Variants in COBL observed in about 807,000 individuals in gnomAD.
The protein encoded by COBL is cordon-bleu WH2 repeat protein.
A neutral mutation model predicts 98.8 loss-of-function variants in COBL; 51 were observed. The ratio of observed to expected loss-of-function variants is 0.52; its 90% confidence interval spans 0.41 to 0.65. The LOEUF (loss-of-function observed/expected upper bound fraction) is 0.65. Among genes scored for constraint, COBL ranks in the 30% least tolerant of loss-of-function variants. COBL has a pLI of 0.00. For synonymous variants in COBL, 634 were observed against 651.7 expected (o/e 0.97, Z 0.41); for missense variants, 1,617 against 1,617.5 (o/e 1.00, Z 0.01).
chr7:51,056,396 C>A, intron 7 of COBL, among the ~76,000 whole-genome samples: 1 of 151,960 alleles, frequency 6.6e-6, no homozygotes, highest in East Asian at 1.9e-4. Context: ...GTGAGAGGTG[C>A]CTGTATCGTC....
intron 2 of COBL, among the ~76,000 whole-genome samples, chr7:51,205,400 A>C (rs1430709586): frequency 6.6e-6 from 1 of 152,182 alleles, no homozygotes; most frequent in African/African-American, 2.4e-5. Flanking sequence ...GGATGCCAAG[A>C]AGTCACAATG....
chr7:51,073,228 T>C, intron 7 of COBL: 1 of 478,408 alleles, frequency 2.1e-6, no homozygotes, highest in Non-Finnish European at 3.8e-6. Context: ...AGGAAGTAAA[T>C]TCTGGGTATA....
At chr7:51,139,072 T>C (rs1172350991) in intron 5 of COBL, among the ~76,000 whole-genome samples, 1 of 152,204 alleles carries the variant, frequency 6.6e-6, no homozygotes, top group Non-Finnish European at 1.5e-5. Flanking sequence ...ATTTCAGGTT[T>C]TAATTCATAA....
intron 1 of COBL, among the ~76,000 whole-genome samples, chr7:51,296,680 T>C (rs572951379): frequency 3.6e-4 from 55 of 152,348 alleles, no homozygotes; most frequent in South Asian, 1.2e-3. Context: ...TGCAAGGATG[T>C]ATGGGCATTT....
intron 6 of COBL, among the ~76,000 whole-genome samples, chr7:51,112,456 C>T (rs1197246329): frequency 3.3e-5 from 5 of 152,202 alleles, no homozygotes; most frequent in African/African-American, 1.2e-4. Flanking sequence ...AGCAGTGCTT[C>T]ATGATCAATG....
In COBL at chr7:51,017,154, T is replaced by G. The variant is rs927023877; in HGVS notation, c.*397A>C. On this transcript the variant is annotated 3_prime_UTR_variant, in exon 13 of 13. Coordinates refer to ENST00000265136, the MANE Select transcript of COBL (RefSeq NM_015198.5). Reference sequence around the variant, plus strand: ...ATTCAAAAGATCTTAAATCAGTAAGTAGTTTCATCCATCTGTATGTGGTAA... The same window carrying G: ...ATTCAAAAGATCTTAAATCAGTAAGGAGTTTCATCCATCTGTATGTGGTAA... 2.3e-6 allele frequency: 1 copy of G among 439,614 alleles called. No homozygotes were observed. The allele number at this position is 439,614 out of a possible 1,614,324, so 27.2% of individuals were successfully genotyped here.
Position 51,219,896 on chromosome 7 carries a change from A to G in COBL, c.90T>C (p.Thr30=). ...GCTTCTGGTCACTGTGCACATGCAG[A>G]GTGGCAGCCTTTCCAGGAGGTGGGG... ...RAPPPPGKAA[T]LHVHSDQKPP... The change falls in exon 2 of 13, where the codon ACT becomes ACC. Residue 30 remains threonine, a synonymous_variant. Coordinates refer to ENST00000265136, the MANE Select transcript of COBL (RefSeq NM_015198.5). 1 of 1,612,646 alleles carries G rather than the reference A, an allele frequency of 6.2e-7. No individual in the cohort carries two copies. The highest frequency in any genetic ancestry group is 8.5e-7 in the Non-Finnish European group (1 of 1,179,992).
At chr7:51,087,601 A>C (rs1794401461) in intron 6 of COBL, among the ~76,000 whole-genome samples, 2 of 151,684 alleles carry the variant, frequency 1.3e-5, no homozygotes. Context: ...CAGCCTCCTG[A>C]GTAGCTGGGA....
chr7:51,135,716 G>A (rs1014110070), intron 6 of COBL, among the ~76,000 whole-genome samples: 6 of 152,158 alleles, frequency 3.9e-5, no homozygotes, highest in South Asian at 2.1e-4. Context: ...TGACACATGC[G>A]GCAAGAGTTA....
chr7:51,175,903 C>T (rs1013624499), intron 5 of COBL, among the ~76,000 whole-genome samples: 1 of 152,192 alleles, frequency 6.6e-6, no homozygotes, highest in Non-Finnish European at 1.5e-5. Context: ...TTTATTCATC[C>T]CATAAATTTA....
At chr7:51,087,507 T>C (rs1389295397) in intron 6 of COBL, among the ~76,000 whole-genome samples, 1 of 152,034 alleles carries the variant, frequency 6.6e-6, no homozygotes. Context: ...TGTTGTTGCT[T>C]GTTTTTTTTG....
rs561812103 is a variant in COBL at position 51,144,847 on chromosome 7, T to C, written c.784-8516A>G. On this transcript the variant is annotated intron_variant, in intron 5 of 12. Coordinates refer to ENST00000265136, the MANE Select transcript of COBL (RefSeq NM_015198.5). ...TCACTTAGCATAATGTTTTGAAGGT[T>C]TGCTCACATTGCAGCATGCATCAGT... Among the ~76,000 whole-genome samples, 280 of 152,360 alleles carry C rather than the reference T, an allele frequency of 1.8e-3. 2 individuals carry two copies. Among genetic ancestry groups the C allele is most frequent in the Non-Finnish European group, 3.2e-3 (220 of 68,042 alleles).
At position 51,030,680 on chromosome 7, in the gene COBL, C is replaced by G. The variant is rs145200057; in HGVS notation, c.1504+132G>C. ...GTGCGCCTCACATCCAGACTTTCACCAAACTGACCTGGAATTCCTTCTGAA... is the reference window on the plus strand; with the variant it reads ...GTGCGCCTCACATCCAGACTTTCACGAAACTGACCTGGAATTCCTTCTGAA... On this transcript the variant is annotated intron_variant, in intron 9 of 12. Coordinates refer to ENST00000265136, the MANE Select transcript of COBL (RefSeq NM_015198.5). 171 of 654,350 alleles carry G rather than the reference C, an allele frequency of 2.6e-4. 1 individual carries two copies. In the East Asian group the frequency reaches 4.5e-3, roughly 17 times the overall value. 40.5% of individuals were successfully genotyped at this position (654,350 alleles called of 1,614,324 possible).
intron 1 of COBL, among the ~76,000 whole-genome samples, chr7:51,288,775 AAT>A (rs879281055): frequency 0.11 from 16,721 of 150,764 alleles, 1,353 homozygotes; most frequent in East Asian, 0.32. Flanking sequence ...ATAAATAAAT[AAT>A]AATTTTAGAA....
At chr7:51,215,073 A>G (rs1792898931) in intron 2 of COBL, among the ~76,000 whole-genome samples, 1 of 152,120 alleles carries the variant, frequency 6.6e-6, no homozygotes, top group South Asian at 2.1e-4. Flanking sequence ...TAAACTCAGT[A>G]TATATTTTGA....
At chr7:51,194,895 TC>T (rs1455703499) in intron 2 of COBL, among the ~76,000 whole-genome samples, 2 of 152,188 alleles carry the variant, frequency 1.3e-5, no homozygotes, top group Admixed American at 6.5e-5. Context: ...TTGTTTAAGT[TC>T]CTTTTAGATG....
At chr7:51,228,176 G>A (rs1020469499) in intron 1 of COBL, among the ~76,000 whole-genome samples, 1 of 151,984 alleles carries the variant, frequency 6.6e-6, no homozygotes, top group Non-Finnish European at 1.5e-5. Context: ...ACGTGGCCAC[G>A]CTGTGCATCT....
At chr7:51,175,848 C>T (rs1455079305) in intron 5 of COBL, among the ~76,000 whole-genome samples, 1 of 152,166 alleles carries the variant, frequency 6.6e-6, no homozygotes, top group Non-Finnish European at 1.5e-5. Flanking sequence ...ATAAGACTTG[C>T]TTATGGGCTC....
intron 5 of COBL, among the ~76,000 whole-genome samples, chr7:51,150,781 G>T (rs1205960173): frequency 6.6e-6 from 1 of 152,176 alleles, no homozygotes; most frequent in Non-Finnish European, 1.5e-5. Context: ...CAACTCAAAG[G>T]GAAGTGTCTG....
Sources: gnomAD v4.1 joint callset for allele counts (sites outside exome capture counted in the v4.1 genomes callset) on GRCh38, gnomAD v4.1.1 for gene constraint, MANE v1.5 for transcripts, NCBI Gene and HGNC (gene_info 2026-07-23, HGNC 2026-07-21) for gene names.